NEK10: variants seen among roughly 807,000 people sequenced by gnomAD.
NEK10 encodes serine/threonine-protein kinase Nek10.
In NEK10, 122 loss-of-function variants were observed where a neutral mutation model predicts 159.8. That is an observed-to-expected ratio of 0.76 (90% CI 0.66 to 0.89). NEK10 has a LOEUF of 0.89. Among genes scored for constraint, NEK10 ranks in the 40% least tolerant of loss-of-function variants. The pLI, the probability that NEK10 is intolerant of heterozygous loss-of-function variation, is 0.00. For synonymous variants in NEK10, 466 were observed against 457.1 expected, an observed-to-expected ratio of 1.02 and a Z score of -0.25; for missense variants, 1,342 against 1,323.1, an observed-to-expected ratio of 1.01 and a Z score of -0.22.
intron 5 of NEK10, among the ~76,000 whole-genome samples, chr3:27,332,339 T>C (rs1024295900): frequency 2.6e-5 from 4 of 152,242 alleles, no homozygotes; most frequent in African/African-American, 9.6e-5. Flanking sequence ...TCCAATTCTT[T>C]CTTTACTTTT....
chr3:27,149,239 G>T (rs1380954568), intron 30 of NEK10, among the ~76,000 whole-genome samples: 1 of 152,032 alleles, frequency 6.6e-6, no homozygotes, highest in Non-Finnish European at 1.5e-5. Context: ...ACAGTGATGG[G>T]TCTAAATCAG....
chr3:27,333,266 C>G (rs1437654472), intron 5 of NEK10, among the ~76,000 whole-genome samples: 1 of 152,078 alleles, frequency 6.6e-6, no homozygotes, highest in Non-Finnish European at 1.5e-5. Flanking sequence ...TGACCCATGG[C>G]CAGGTGCGGT....
chr3:27,244,400 T>G lies in NEK10; in HGVS notation c.2090+11896A>C, dbSNP rs557848666. On this transcript the variant is annotated intron_variant, in intron 23 of 35. Coordinates refer to ENST00000691995, the MANE Select transcript of NEK10 (RefSeq NM_001394966.1). ...CTGAAGTTTCTTATTGTGTCTGTTA[T>G]TAACTTATTGCCTGTTGTCTCTTAA... is the stretch of plus-strand genomic sequence containing the variant. Among the ~76,000 whole-genome samples, 5 of 152,344 alleles carry G rather than the reference T, an allele frequency of 3.3e-5. No homozygotes were observed. In the East Asian group the frequency reaches 9.7e-4, roughly 29 times the overall value.
At chr3:27,203,437 A>G (rs966719879) in intron 23 of NEK10, among the ~76,000 whole-genome samples, 2 of 152,174 alleles carry the variant, frequency 1.3e-5, no homozygotes, top group African/African-American at 4.8e-5. Flanking sequence ...ATAATTTGCA[A>G]CGGTTCATGA....
intron 13 of NEK10, 46 bp from the exon 14 acceptor site, chr3:27,297,286 A>C (rs2043428577): frequency 8.0e-7 from 1 of 1,257,116 alleles, no homozygotes; most frequent in African/African-American, 1.5e-5. Flanking sequence ...ATTACAATAA[A>C]TATACTATCA....
At chr3:27,133,236 G>T (rs943340659) in intron 31 of NEK10, among the ~76,000 whole-genome samples, 2 of 152,176 alleles carry the variant, frequency 1.3e-5, no homozygotes, top group African/African-American at 4.8e-5. Context: ...AGGAATTTCA[G>T]GGTGTAACTG....
Position 27,192,226 on chromosome 3 carries a change from C to A in NEK10, c.2308G>T (p.Ala770Ser). 6.2e-7 allele frequency: 1 copy of A among 1,613,864 alleles called. No individual in the cohort carries two copies. The highest frequency in any genetic ancestry group is 1.1e-5 in the South Asian group (1 of 91,060). The change falls in exon 26 of 36, where the codon GCG (alanine) becomes TCG (serine). Residue 770 changes from alanine (A) to serine (S), a missense_variant. Transcript: ENST00000691995. ...TCTACAATATCTGGACGAGCTTCCG[C>A]ATCAGGAGTGAGGCACCTAAGATAA... ...DTISRCLTPD[A>S]EARPDIVEVS...
At chr3:27,178,689 A>G (rs1352359457) in intron 26 of NEK10, among the ~76,000 whole-genome samples, 1 of 152,178 alleles carries the variant, frequency 6.6e-6, no homozygotes, top group Non-Finnish European at 1.5e-5. Flanking sequence ...TAGTCCCTAC[A>G]TTTTAAGGTA....
chr3:27,259,537 G>A (rs550041141), intron 22 of NEK10, among the ~76,000 whole-genome samples: 12 of 152,186 alleles, frequency 7.9e-5, no homozygotes, highest in East Asian at 3.9e-4. Flanking sequence ...GTAGATATGC[G>A]GCATTATTTC....
chr3:27,162,584 G>A (rs924933210), intron 30 of NEK10, 117 bp downstream of exon 30: 7 of 1,614,094 alleles, frequency 4.3e-6, no homozygotes, highest in Non-Finnish European at 5.1e-6. Flanking sequence ...TTCAGAAGCA[G>A]GTCAAGAGGC....
intron 22 of NEK10, among the ~76,000 whole-genome samples, chr3:27,279,716 G>T (rs1052668988): frequency 6.6e-6 from 1 of 152,086 alleles, no homozygotes; most frequent in African/African-American, 2.4e-5. Flanking sequence ...CCACACAATT[G>T]CTTTAGTGAA....
chr3:27,228,778 A>G (rs1222771038), intron 23 of NEK10, among the ~76,000 whole-genome samples: 5 of 152,154 alleles, frequency 3.3e-5, no homozygotes, highest in Non-Finnish European at 5.9e-5. Context: ...TACAGATGAA[A>G]AGAGATGCCT....
chr3:27,132,026 T>C (rs1440039741), intron 31 of NEK10, 36 bp from the exon 32 acceptor site: 2 of 1,193,088 alleles, frequency 1.7e-6, no homozygotes, highest in African/African-American at 1.5e-5. Context: ...TATAAACAAA[T>C]TGTTAACACT....
intron 13 of NEK10, 52 bp from the exon 14 acceptor site, chr3:27,297,292 T>A: frequency 8.3e-7 from 1 of 1,202,958 alleles, no homozygotes; most frequent in South Asian, 1.2e-5. Flanking sequence ...ATAAATATAC[T>A]ATCACATAAA....
chr3:27,183,392 T>C (rs559649921), intron 26 of NEK10, among the ~76,000 whole-genome samples: 20 of 140,774 alleles, frequency 1.4e-4, no homozygotes, highest in African/African-American at 4.8e-4. Flanking sequence ...GATACCCAAA[T>C]GACCAAAAAA....
intron 5 of NEK10, among the ~76,000 whole-genome samples, chr3:27,340,965 A>G (rs148630725): frequency 6.6e-6 from 1 of 152,352 alleles, no homozygotes; most frequent in East Asian, 1.9e-4. Context: ...ACCAACAAAC[A>G]AATGAATTTT....
intron 3 of NEK10, among the ~76,000 whole-genome samples, chr3:27,350,333 G>A (rs1315554331): frequency 2.0e-5 from 3 of 151,964 alleles, no homozygotes; most frequent in South Asian, 2.1e-4. Context: ...CACACTTTCT[G>A]TCTCTTTATA....
intron 29 of NEK10, among the ~76,000 whole-genome samples, chr3:27,165,062 C>G (rs1331603193): frequency 6.6e-6 from 1 of 152,116 alleles, no homozygotes; most frequent in Non-Finnish European, 1.5e-5. Flanking sequence ...TCAAAAAGAA[C>G]AATTACACAT....
chr3:27,174,632 C>A lies in NEK10; in HGVS notation c.2689+18G>T. On this transcript the variant is annotated intron_variant, in intron 27 of 35. Transcript: ENST00000691995. ...GCCACTAGCAGTACCTACGTTGACA[C>A]ACTGCCACTAGCAGTACCTTTCTCA... The A allele has an allele frequency of 6.2e-7, 1 of 1,602,664 alleles. No individual in the cohort carries two copies. The highest frequency in any genetic ancestry group is 8.5e-7 in the Non-Finnish European group (1 of 1,174,484).
Sources: allele counts gnomAD v4.1 joint callset (sites outside exome capture counted in the v4.1 genomes callset), GRCh38; gene constraint gnomAD v4.1.1; transcripts MANE v1.5; gene names NCBI Gene and HGNC (gene_info 2026-07-23, HGNC 2026-07-21).